Variants in HPSE2 observed in about 807,000 individuals in gnomAD.
HPSE2 encodes inactive heparanase-2.
In HPSE2, 38 loss-of-function variants were observed where a neutral mutation model predicts 60.5. The ratio of observed to expected loss-of-function variants is 0.63; its 90% CI spans 0.48 to 0.82. HPSE2 has a LOEUF of 0.82. Among genes scored for constraint, HPSE2 ranks in the 40% least tolerant of loss-of-function variants. The pLI, the probability that HPSE2 is intolerant of heterozygous loss-of-function variation, is 0.00. For synonymous variants in HPSE2, 295 were observed against 293.2 expected, an observed-to-expected ratio of 1.01 and a Z score of -0.06; for missense variants, 713 against 740.4, an observed-to-expected ratio of 0.96 and a Z score of 0.43.
chr10:98,819,332 A>G (rs927372482), intron 3 of HPSE2, among the ~76,000 whole-genome samples: 1 of 152,166 alleles, frequency 6.6e-6, no homozygotes, highest in African/African-American at 2.4e-5. Context: ...AAGTACTGAA[A>G]AAAAATGCAA....
intron 3 of HPSE2, among the ~76,000 whole-genome samples, chr10:98,804,183 A>T (rs921278575): frequency 1.2e-4 from 18 of 152,118 alleles, no homozygotes; most frequent in African/African-American, 4.3e-4. Flanking sequence ...GTATCCTGAG[A>T]CTTTGCTGAA....
chr10:99,071,069 C>CTT (rs35699449), intron 3 of HPSE2, among the ~76,000 whole-genome samples: 6 of 132,584 alleles, frequency 4.5e-5, no homozygotes, highest in Admixed American at 7.6e-5. Context: ...ATTTTTAATT[C>CTT]TTTTTTTTTT....
At chr10:99,010,534 G>T (rs1956989867) in intron 3 of HPSE2, among the ~76,000 whole-genome samples, 1 of 152,176 alleles carries the variant, frequency 6.6e-6, no homozygotes, top group Non-Finnish European at 1.5e-5. Flanking sequence ...GTTTTTAGAG[G>T]CATAACTTCT....
intron 3 of HPSE2, among the ~76,000 whole-genome samples, chr10:99,118,987 G>A (rs779445816): frequency 3.3e-5 from 5 of 151,144 alleles, no homozygotes; most frequent in Non-Finnish European, 5.9e-5. Context: ...CTGCACTCCA[G>A]CCTGGATGAC....
intron 4 of HPSE2, among the ~76,000 whole-genome samples, chr10:98,738,750 T>G (rs761438393): frequency 3.3e-5 from 5 of 152,150 alleles, no homozygotes; most frequent in Non-Finnish European, 7.4e-5. Flanking sequence ...ATTAGAGAAA[T>G]GCAAATCAAA....
intron 3 of HPSE2, among the ~76,000 whole-genome samples, chr10:99,029,869 G>C (rs1308955816): frequency 6.6e-6 from 1 of 152,188 alleles, no homozygotes; most frequent in Non-Finnish European, 1.5e-5. Context: ...TCCCCCGGGG[G>C]AAAAGGAGAC....
At chr10:98,493,011 C>T (rs1381642323) in intron 9 of HPSE2, among the ~76,000 whole-genome samples, 1 of 152,188 alleles carries the variant, frequency 6.6e-6, no homozygotes, top group African/African-American at 2.4e-5. Flanking sequence ...TGGCAACCAT[C>T]GTTCCACTTT....
intron 9 of HPSE2, among the ~76,000 whole-genome samples, chr10:98,544,336 A>T (rs1301816555): frequency 6.6e-6 from 1 of 152,216 alleles, no homozygotes; most frequent in Non-Finnish European, 1.5e-5. Flanking sequence ...AAGCAGTGTA[A>T]AGAGGGAAAT....
chr10:98,814,601 A>G (rs764777084), intron 3 of HPSE2, among the ~76,000 whole-genome samples: 7 of 152,222 alleles, frequency 4.6e-5, no homozygotes, highest in Non-Finnish European at 1.0e-4. Flanking sequence ...TTAAAATACC[A>G]GAGACAGAGA....
chr10:98,503,569 G>A (rs1461733380), intron 9 of HPSE2, among the ~76,000 whole-genome samples: 2 of 152,190 alleles, frequency 1.3e-5, no homozygotes, highest in Non-Finnish European at 2.9e-5. Context: ...GCACACGCAT[G>A]TTTATAGCAG....
intron 3 of HPSE2, among the ~76,000 whole-genome samples, chr10:99,004,309 G>T (rs1956844735): frequency 6.6e-6 from 1 of 151,664 alleles, no homozygotes; most frequent in Admixed American, 6.6e-5. Flanking sequence ...GTTTTGTTTT[G>T]TTTTGTTTTG....
intron 9 of HPSE2, among the ~76,000 whole-genome samples, chr10:98,597,510 A>AG (rs1227108987): frequency 6.6e-6 from 1 of 151,326 alleles, no homozygotes; most frequent in African/African-American, 2.4e-5. Flanking sequence ...ACTAAAAAAA[A>AG]AAAAAAGAAA....
intron 2 of HPSE2, among the ~76,000 whole-genome samples, chr10:99,152,970 G>C (rs991461841): frequency 1.3e-5 from 2 of 152,212 alleles, no homozygotes; most frequent in South Asian, 2.1e-4. Context: ...TTCCCTTTCC[G>C]AGTCAAAGAA....
intron 2 of HPSE2, among the ~76,000 whole-genome samples, chr10:99,186,542 C>CAAAAAAAAAAAAA (rs60186369): frequency 1.3e-4 from 8 of 59,482 alleles, no homozygotes; most frequent in Non-Finnish European, 2.2e-4. Context: ...GACTCCATCT[C>CAAAAAAAAAAAAA]AAAAAAAAAA....
intron 11 of HPSE2, among the ~76,000 whole-genome samples, chr10:98,461,431 T>C (rs1940284302): frequency 6.6e-6 from 1 of 152,202 alleles, no homozygotes; most frequent in Admixed American, 6.5e-5. Flanking sequence ...AAGGTCAGTG[T>C]TGACCGCATC....
chr10:98,622,251 T>C (rs1946093807), intron 7 of HPSE2, among the ~76,000 whole-genome samples: 1 of 152,076 alleles, frequency 6.6e-6, no homozygotes, highest in African/African-American at 2.4e-5. Flanking sequence ...TGGCACAATA[T>C]TACTTATAAA....
intron 3 of HPSE2, among the ~76,000 whole-genome samples, chr10:98,923,876 T>C (rs1486915316): frequency 6.6e-6 from 1 of 152,168 alleles, no homozygotes; most frequent in African/African-American, 2.4e-5. Context: ...AAACGTCATA[T>C]ATATCTATCT....
intron 3 of HPSE2, among the ~76,000 whole-genome samples, chr10:99,129,021 A>G (rs1022825047): frequency 6.6e-6 from 1 of 152,166 alleles, no homozygotes; most frequent in Non-Finnish European, 1.5e-5. Flanking sequence ...GAAAAAACAG[A>G]CTTAAAAGCA....
chr10:98,625,164 C>T (rs1187461083), intron 7 of HPSE2, among the ~76,000 whole-genome samples: 1 of 152,214 alleles, frequency 6.6e-6, no homozygotes, highest in South Asian at 2.1e-4. Context: ...CAGTAAACTG[C>T]TACTCCTTAA....
Sources: allele counts gnomAD v4.1 joint callset (sites outside exome capture counted in the v4.1 genomes callset), GRCh38; gene constraint gnomAD v4.1.1; transcripts MANE v1.5; gene names NCBI Gene and HGNC (gene_info 2026-07-23, HGNC 2026-07-21).